DACH2: variants seen among roughly 807,000 people sequenced by gnomAD.
The protein encoded by DACH2 is dachshund family transcription factor 2.
Under a neutral mutation model 35.8 loss-of-function variants are expected in DACH2, and 17 were observed. The ratio of observed to expected loss-of-function variants is 0.48; its 90% CI spans 0.33 to 0.71. DACH2 has a LOEUF of 0.71. DACH2 is among the 30% of genes least tolerant of loss of function. The pLI, the probability that DACH2 is intolerant of heterozygous loss-of-function variation, is 0.02. For synonymous variants in DACH2, 195 were observed against 177.3 expected, an observed-to-expected ratio of 1.10 and a Z score of -0.79; for missense variants, 469 against 472.7, an observed-to-expected ratio of 0.99 and a Z score of 0.07.
intron 1 of DACH2, chrX:86,160,274 C>G (rs1278673265): frequency 8.4e-7 from 1 of 1,194,129 alleles, no homozygotes; most frequent in Non-Finnish European, 1.1e-6. Flanking sequence ...GGTGACCTTG[C>G]CAGCTCCAGC....
chrX:86,478,236 T>C (rs956652833), intron 2 of DACH2, among the ~76,000 whole-genome samples: 1 of 112,132 alleles, frequency 8.9e-6, no homozygotes, highest in Non-Finnish European at 1.9e-5. Flanking sequence ...TGCTCATTAA[T>C]GTGCTTTTCT....
chrX:86,532,155 T>C (rs1486460790), intron 3 of DACH2, among the ~76,000 whole-genome samples: 3 of 112,305 alleles, frequency 2.7e-5, no homozygotes, highest in Non-Finnish European at 3.8e-5. Flanking sequence ...TACAGGCTTA[T>C]AGGTGAAAGG....
At chrX:86,489,886 A>G (rs926367423) in intron 2 of DACH2, among the ~76,000 whole-genome samples, 1 of 112,022 alleles carries the variant, frequency 8.9e-6, no homozygotes, top group Non-Finnish European at 1.9e-5. Flanking sequence ...ATTATTTAGA[A>G]TGTCTACCTA....
At chrX:86,791,903 G>T (rs1324467315) in intron 7 of DACH2, among the ~76,000 whole-genome samples, 2 of 111,380 alleles carry the variant, frequency 1.8e-5, no homozygotes, top group Admixed American at 9.6e-5. Flanking sequence ...GTGTTATGGG[G>T]GTTTGTTTTA....
In DACH2 at chrX:86,667,604, GAAA is replaced by G. The variant is rs1569463753; in HGVS notation, c.772+16438_772+16440del. On this transcript the variant is annotated intron_variant, in intron 4 of 11. Coordinates refer to ENST00000373125, the MANE Select transcript of DACH2 (RefSeq NM_053281.3). ...AGAAAGAAAGAAAGAAAGAAAGAAA[GAAA>G]GAAAGAAAGGCAGGCAGGCCCTGGT... is the stretch of plus-strand genomic sequence containing the variant. 1.6e-3 allele frequency among the ~76,000 whole-genome samples: 163 copies of G among 105,148 alleles called. 1 individual carries two copies. Among genetic ancestry groups the G allele is most frequent in the African/African-American group, 5.4e-3 (151 of 28,085 alleles). The allele number at this position is 105,148 out of a possible 115,157, so 91.3% of individuals were successfully genotyped here. A position where few individuals can be genotyped will look rare whatever the true frequency, so the allele number is the denominator to read the frequency against.
At chrX:86,302,673 C>A (rs185493053) in intron 1 of DACH2, among the ~76,000 whole-genome samples, 1 of 110,252 alleles carries the variant, frequency 9.1e-6, no homozygotes, top group East Asian at 2.9e-4. Context: ...AAGTAGTATA[C>A]AATAGCTTTT....
intron 2 of DACH2, among the ~76,000 whole-genome samples, chrX:86,415,262 AG>A (rs1219679457): frequency 8.9e-6 from 1 of 111,910 alleles, no homozygotes; most frequent in African/African-American, 3.2e-5. Context: ...TTTTCAACGT[AG>A]GACTAATTTC....
intron 1 of DACH2, among the ~76,000 whole-genome samples, chrX:86,373,995 T>A (rs2035928062): frequency 1.8e-5 from 2 of 111,103 alleles, no homozygotes; most frequent in South Asian, 7.5e-4. Flanking sequence ...AAATTTATCC[T>A]AAAAGGACCT....
chrX:86,384,364 T>C (rs1457321612), intron 2 of DACH2, among the ~76,000 whole-genome samples: 4 of 111,974 alleles, frequency 3.6e-5, no homozygotes, highest in Non-Finnish European at 5.7e-5. Context: ...CCAGTATGAA[T>C]GCATTTGAAA....
intron 3 of DACH2, among the ~76,000 whole-genome samples, chrX:86,574,138 T>A (rs1602661163): frequency 9.0e-6 from 1 of 111,580 alleles, no homozygotes; most frequent in Non-Finnish European, 1.9e-5. Context: ...GGAATTGAAG[T>A]TACCCCAAAG....
rs58707735 is a variant in DACH2 at position 86,158,522 on chromosome X, C to CGT, written c.488+9439_488+9440dup. ...ATTAGATTTGTTATGATAGCCTGTGCGTGTGTGTGTGTGTGTGTGTGTGTG... is the reference window on the plus strand; with the variant it reads ...ATTAGATTTGTTATGATAGCCTGTGCGTGTGTGTGTGTGTGTGTGTGTGTGTG... On this transcript the variant is annotated intron_variant, in intron 1 of 11. Coordinates refer to ENST00000373125, the MANE Select transcript of DACH2 (RefSeq NM_053281.3). Among the ~76,000 whole-genome samples, 546 of 103,332 alleles carry CGT rather than the reference C, an allele frequency of 5.3e-3. 4 individuals are homozygous for CGT. Among genetic ancestry groups the CGT allele is most frequent in the East Asian group, 0.022 (73 of 3,268 alleles). The allele number at this position is 103,332 out of a possible 115,157, so 89.7% of individuals were successfully genotyped here.
At chrX:86,477,370 A>ATATATAT (rs1491178969) in intron 2 of DACH2, among the ~76,000 whole-genome samples, 10 of 85,076 alleles carry the variant, frequency 1.2e-4, no homozygotes, top group Non-Finnish European at 1.4e-4. Flanking sequence ...ATATATATAT[A>ATATATAT]ATTGTTATAT....
chrX:86,383,719 CT>C (rs1052601945), intron 2 of DACH2, among the ~76,000 whole-genome samples: 2 of 107,129 alleles, frequency 1.9e-5, no homozygotes, highest in African/African-American at 3.4e-5. Context: ...CCACTCTGAC[CT>C]TGTAATATTT....
chrX:86,624,060 C>CAAAAAAA (rs34140706), intron 3 of DACH2, among the ~76,000 whole-genome samples: 41 of 35,995 alleles, frequency 1.1e-3, no homozygotes, highest in African/African-American at 1.3e-3. Context: ...AAAAACAAAA[C>CAAAAAAA]AAAAAAAAAA....
At chrX:86,657,482 C>G (rs2040557123) in intron 4 of DACH2, among the ~76,000 whole-genome samples, 1 of 110,776 alleles carries the variant, frequency 9.0e-6, no homozygotes, top group African/African-American at 3.3e-5. Context: ...GATTTAGAGC[C>G]CTGCTCTGAA....
At chrX:86,477,785 C>T (rs761513658) in intron 2 of DACH2, among the ~76,000 whole-genome samples, 22 of 110,115 alleles carry the variant, frequency 2.0e-4, no homozygotes, top group Non-Finnish European at 3.2e-4. Context: ...TAATTTTCTC[C>T]GGTAGTATGA....
chrX:86,764,460 A>T (rs141797598), intron 7 of DACH2, among the ~76,000 whole-genome samples: 5 of 111,417 alleles, frequency 4.5e-5, no homozygotes, highest in Non-Finnish European at 7.5e-5. Flanking sequence ...GCTCCAACTT[A>T]TAAGTGTTAA....
At chrX:86,520,712 G>T (rs1212206285) in intron 3 of DACH2, among the ~76,000 whole-genome samples, 1 of 111,167 alleles carries the variant, frequency 9.0e-6, no homozygotes, top group Non-Finnish European at 1.9e-5. Context: ...TGAAATTAAG[G>T]TTGCAACTCC....
intron 7 of DACH2, among the ~76,000 whole-genome samples, chrX:86,770,930 A>G (rs769754142): frequency 8.8e-6 from 1 of 113,156 alleles, no homozygotes; most frequent in South Asian, 3.6e-4. Flanking sequence ...AAGATAATAT[A>G]TCACATAAAT....
Sources: gnomAD v4.1 joint callset for allele counts (sites outside exome capture counted in the v4.1 genomes callset) on GRCh38, gnomAD v4.1.1 for gene constraint, MANE v1.5 for transcripts, NCBI Gene and HGNC (gene_info 2026-07-23, HGNC 2026-07-21) for gene names.